Variants in COL23A1 observed in about 807,000 individuals in gnomAD.
COL23A1 encodes collagen type XXIII alpha 1 chain, also known as collagen alpha-1(XXIII) chain.
In COL23A1, 97 loss-of-function variants were observed where a neutral mutation model predicts 99.3. That is an observed-to-expected ratio of 0.98 (90% CI 0.83 to 1.16). The LOEUF is 1.16. COL23A1 is among the 50% of genes most tolerant of loss of function. The pLI is 0.00. For synonymous variants in COL23A1, 320 were observed against 308.2 expected, an observed-to-expected ratio of 1.04 and a Z score of -0.40; for missense variants, 762 against 757.4, an observed-to-expected ratio of 1.01 and a Z score of -0.07.
chr5:178,316,890 T>C (rs1178999665), intron 2 of COL23A1, among the ~76,000 whole-genome samples: 2 of 152,100 alleles, frequency 1.3e-5, no homozygotes, highest in Non-Finnish European at 2.9e-5. Flanking sequence ...AGTTTTTCTA[T>C]CAAATACAAA....
At chr5:178,267,684 C>A (rs752775243) in intron 7 of COL23A1, among the ~76,000 whole-genome samples, 1 of 152,156 alleles carries the variant, frequency 6.6e-6, no homozygotes, top group African/African-American at 2.4e-5. Flanking sequence ...TTGCTTTACA[C>A]GGCCAAGTTT....
At chr5:178,465,346 C>G (rs2840140) in intron 2 of COL23A1, among the ~76,000 whole-genome samples, 2 of 152,008 alleles carry the variant, frequency 1.3e-5, no homozygotes, top group Non-Finnish European at 2.9e-5. Flanking sequence ...CATTCTTTAG[C>G]GTGACCGGAC....
At chr5:178,407,031 C>G (rs1764800366) in intron 2 of COL23A1, among the ~76,000 whole-genome samples, 1 of 152,166 alleles carries the variant, frequency 6.6e-6, no homozygotes, top group Admixed American at 6.5e-5. Context: ...TGAGAAAGGA[C>G]AGAGAGGTGA....
intron 5 of COL23A1, among the ~76,000 whole-genome samples, chr5:178,276,782 T>A (rs1756608593): frequency 6.6e-6 from 1 of 152,238 alleles, no homozygotes; most frequent in South Asian, 2.1e-4. Flanking sequence ...AGCCCAGCTG[T>A]TGCTGGTGCC....
At chr5:178,325,895 G>A (rs1759622193) in intron 2 of COL23A1, among the ~76,000 whole-genome samples, 1 of 152,154 alleles carries the variant, frequency 6.6e-6, no homozygotes, top group Admixed American at 6.5e-5. Context: ...GCCTGCGCTT[G>A]TGCCTGCCCA....
Position 178,365,674 on chromosome 5 carries a change from G to A in COL23A1, c.362-58755C>T, listed in dbSNP as rs773078698. On this transcript the variant is annotated intron_variant, in intron 2 of 28. Transcript: ENST00000390654. This position sits in a 1 kb window ranked among gnomAD's most constrained non-coding sequence, Gnocchi z 5.2. ...GGCCCCTCTCTTCTCCTCGACAACT[G>A]CGTGCTGTTCCCGGCAGACCCTTGC... Among the ~76,000 whole-genome samples the A allele has an allele frequency of 6.6e-6, 1 of 152,170 alleles. No individual in the cohort carries two copies. Among genetic ancestry groups the A allele is most frequent in the Non-Finnish European group, 1.5e-5 (1 of 68,030 alleles).
intron 2 of COL23A1, among the ~76,000 whole-genome samples, chr5:178,552,706 TA>T (rs60501006): frequency 0.1 from 13,768 of 136,014 alleles, 766 homozygotes; most frequent in East Asian, 0.26. Flanking sequence ...CAAAAAAAAT[TA>T]AAAAAAAAAA....
At chr5:178,529,564 A>AT (rs968521664) in intron 2 of COL23A1, among the ~76,000 whole-genome samples, 25 of 152,028 alleles carry the variant, frequency 1.6e-4, no homozygotes, top group South Asian at 2.1e-4. Context: ...AACAAAATTC[A>AT]TTTTTTTGCT....
chr5:178,336,450 C>T (rs1760321893), intron 2 of COL23A1, among the ~76,000 whole-genome samples: 1 of 152,076 alleles, frequency 6.6e-6, no homozygotes, highest in African/African-American at 2.4e-5. Flanking sequence ...ATGGATAAAC[C>T]CTGAAAGCAT....
chr5:178,575,290 T>C (rs965468686), intron 1 of COL23A1, among the ~76,000 whole-genome samples: 8 of 147,218 alleles, frequency 5.4e-5, no homozygotes, highest in Non-Finnish European at 1.2e-4. Context: ...AACCTCAAAA[T>C]AATACAACCC....
intron 5 of COL23A1, among the ~76,000 whole-genome samples, chr5:178,278,740 G>A (rs1474939151): frequency 6.6e-6 from 1 of 152,144 alleles, no homozygotes. Context: ...TGATGATGAG[G>A]TCCTGCCCCG....
chr5:178,413,239 A>C (rs1765139448), intron 2 of COL23A1, among the ~76,000 whole-genome samples: 1 of 152,242 alleles, frequency 6.6e-6, no homozygotes. Flanking sequence ...GCTTAGAACC[A>C]TGGAGAAATT....
At position 178,340,987 on chromosome 5, in the gene COL23A1, C is replaced by G. The variant is rs73346835; in HGVS notation, c.362-34068G>C. Among the ~76,000 whole-genome samples, 855 of 152,288 alleles carry G rather than the reference C, an allele frequency of 5.6e-3. 3 individuals carry two copies. The highest frequency in any genetic ancestry group is 0.02 in the African/African-American group (819 of 41,558). ...TGACCATACCCACCAGCTCTATTTC[C>G]CCCATTATGAAGATGGAGGAACTGA... On this transcript the variant is annotated intron_variant, in intron 2 of 28. Transcript: ENST00000390654. The surrounding 1 kb of genome is among the most constrained non-coding windows in gnomAD (Gnocchi z 4.7).
At chr5:178,576,771 C>T (rs1292831960) in intron 1 of COL23A1, among the ~76,000 whole-genome samples, 8 of 152,042 alleles carry the variant, frequency 5.3e-5, no homozygotes, top group Non-Finnish European at 1.2e-4. Flanking sequence ...CGGCGACCGC[C>T]GCGCCGGCCT....
chr5:178,349,114 A>G (rs946908236), intron 2 of COL23A1, among the ~76,000 whole-genome samples: 2 of 152,226 alleles, frequency 1.3e-5, no homozygotes, highest in Non-Finnish European at 2.9e-5. Context: ...CAGCACAGCG[A>G]GAACTCGGAT....
intron 2 of COL23A1, among the ~76,000 whole-genome samples, chr5:178,425,145 C>T (rs143217525): frequency 2.7e-3 from 408 of 152,270 alleles, no homozygotes; most frequent in African/African-American, 9.5e-3. Flanking sequence ...GGGTTGCGGC[C>T]GGTTTGGTGG....
At chr5:178,405,561 G>A (rs917160541) in intron 2 of COL23A1, among the ~76,000 whole-genome samples, 2 of 152,142 alleles carry the variant, frequency 1.3e-5, no homozygotes, top group Admixed American at 6.5e-5. Flanking sequence ...ACCCAAATGT[G>A]ACATGCAATC....
At chr5:178,359,622 T>A (rs536224303) in intron 2 of COL23A1, among the ~76,000 whole-genome samples, 15 of 152,292 alleles carry the variant, frequency 9.8e-5, no homozygotes, top group South Asian at 8.3e-4. Context: ...ATAAAAAGAT[T>A]CCCGAGAGAG....
chr5:178,401,383 C>A (rs1422669637), intron 2 of COL23A1, among the ~76,000 whole-genome samples: 1 of 152,190 alleles, frequency 6.6e-6, no homozygotes, highest in African/African-American at 2.4e-5. Flanking sequence ...ATAAGAATGT[C>A]ATAGAAATGA....
Sources: allele counts gnomAD v4.1 joint callset (sites outside exome capture counted in the v4.1 genomes callset), GRCh38; gene constraint gnomAD v4.1.1; non-coding constraint Gnocchi (gnomAD v3.1); transcripts MANE v1.5; gene names NCBI Gene and HGNC (gene_info 2026-07-23, HGNC 2026-07-21).